The following HECW1 variants were observed in gnomAD, a reference collection of about 807,000 sequenced individuals.
HECW1 encodes HECT, C2 and WW domain containing E3 ubiquitin protein ligase 1.
HECW1 carries 61 observed loss-of-function variants against 182.3 expected under a neutral mutation model. The observed-to-expected ratio is 0.33, with a 90% CI of 0.27 to 0.41. The LOEUF (loss-of-function observed/expected upper bound fraction) is 0.41. Among genes scored for constraint, HECW1 ranks in the 10% least tolerant of loss-of-function variants. The pLI is 1.00. For synonymous variants in HECW1, 859 were observed against 832.6 expected, an observed-to-expected ratio of 1.03 and a Z score of -0.55; for missense variants, 1,739 against 2,108.9, an observed-to-expected ratio of 0.82 and a Z score of 3.44.
chr7:43,362,149 A>G (rs1361539545), intron 6 of HECW1, among the ~76,000 whole-genome samples: 4 of 151,744 alleles, frequency 2.6e-5, no homozygotes, highest in Admixed American at 2.6e-4. Context: ...AAAAAAAAAA[A>G]AAAGAGAGAG....
chr7:43,480,516 T>C (rs1210919709), intron 17 of HECW1, among the ~76,000 whole-genome samples: 1 of 151,966 alleles, frequency 6.6e-6, no homozygotes, highest in Non-Finnish European at 1.5e-5. Flanking sequence ...CTACTTCCCA[T>C]AAAACAGCTT....
intron 5 of HECW1, among the ~76,000 whole-genome samples, chr7:43,339,705 C>G (rs1379317110): frequency 2.0e-5 from 3 of 152,122 alleles, no homozygotes; most frequent in Admixed American, 2.0e-4. Context: ...ATGTCCTCAG[C>G]TAGGCAGTTG....
At chr7:43,165,119 G>T (rs1790965793) in intron 2 of HECW1, among the ~76,000 whole-genome samples, 1 of 152,100 alleles carries the variant, frequency 6.6e-6, no homozygotes, top group Admixed American at 6.5e-5. Flanking sequence ...ATCCCTAAAT[G>T]ATGAAAATAA....
rs370448181 is a variant in HECW1 at position 43,445,190 on chromosome 7, G to A, written c.2018G>A (p.Cys673Tyr). 5.6e-6 allele frequency: 9 copies of A among 1,612,494 alleles called. No individual in the cohort carries two copies. The African/African-American group carries it at 1.2e-4, about 22-fold the overall frequency. Residue 673 changes from cysteine (C) to tyrosine (Y), a missense_variant, in exon 11 of 30, where the codon TGT (cysteine) becomes TAT (tyrosine). By Grantham distance (194) the Cys-to-Tyr change is radical. Coordinates refer to ENST00000395891, the MANE Select transcript of HECW1 (RefSeq NM_015052.5). ...GGCGGGGACCACAGTTGCGAGGGCT[G>A]TGACGCGTCCTGCTGCAGCCCCTCG... ...RQGGDHSCEGCDASCCSPSCY... is the reference protein window; with the variant it reads ...RQGGDHSCEGYDASCCSPSCY...
At chr7:43,263,406 G>A (rs1222363790) in intron 3 of HECW1, among the ~76,000 whole-genome samples, 2 of 152,194 alleles carry the variant, frequency 1.3e-5, no homozygotes, top group African/African-American at 2.4e-5. Flanking sequence ...TGTCACTCAG[G>A]CTGGAGTGCA....
chr7:43,170,885 A>G (rs1196243469), intron 2 of HECW1, among the ~76,000 whole-genome samples: 2 of 152,194 alleles, frequency 1.3e-5, no homozygotes, highest in Admixed American at 6.5e-5. Context: ...GTGCAGGGTG[A>G]GTGTCCTTGC....
Position 43,565,685 on chromosome 7 carries a change from A to C in HECW1, c.*3759A>C, listed in dbSNP as rs1313226216. The C allele has an allele frequency of 5.5e-6, 1 of 181,968 alleles. No individual in the cohort carries two copies. The highest frequency in any genetic ancestry group is 2.4e-5 in the African/African-American group (1 of 42,414). 11.3% of individuals were successfully genotyped at this position (181,968 alleles called of 1,614,324 possible). ...GATGTTCCAGCCATCATAAGGTCCA[A>C]AAGAAAAGAGAAAGTGTTATTTTCC... On this transcript the variant is annotated 3_prime_UTR_variant, in exon 30 of 30. Coordinates refer to ENST00000395891, the MANE Select transcript of HECW1 (RefSeq NM_015052.5).
chr7:43,471,136 C>A (rs1378214895), intron 16 of HECW1, among the ~76,000 whole-genome samples: 3 of 152,150 alleles, frequency 2.0e-5, no homozygotes, highest in Non-Finnish European at 4.4e-5. Flanking sequence ...TTAATGTCCC[C>A]AAAAATAATC....
chr7:43,289,804 G>A (rs1805157177), intron 3 of HECW1, among the ~76,000 whole-genome samples: 1 of 152,204 alleles, frequency 6.6e-6, no homozygotes, highest in African/African-American at 2.4e-5. Flanking sequence ...TTACAGGAAA[G>A]GACATAAATC....
intron 8 of HECW1, among the ~76,000 whole-genome samples, chr7:43,421,870 C>T (rs571769479): frequency 6.6e-6 from 1 of 152,278 alleles, no homozygotes; most frequent in African/African-American, 2.4e-5. Flanking sequence ...GGAGACATTA[C>T]AGAAGCCAGG....
chr7:43,141,132 G>A (rs1035506051), intron 2 of HECW1, among the ~76,000 whole-genome samples: 1 of 152,198 alleles, frequency 6.6e-6, no homozygotes, highest in Non-Finnish European at 1.5e-5. Context: ...CTGACCAATG[G>A]TCTGGTCTGC....
At chr7:43,543,859 T>C (rs967096830) in intron 26 of HECW1, among the ~76,000 whole-genome samples, 3 of 150,058 alleles carry the variant, frequency 2.0e-5, no homozygotes, top group Non-Finnish European at 4.4e-5. Flanking sequence ...ACAGGCAAAA[T>C]ACACTGTTCT....
intron 10 of HECW1, 87 bp downstream of exon 10, chr7:43,442,716 C>G: frequency 1.1e-6 from 1 of 883,362 alleles, no homozygotes; most frequent in Non-Finnish European, 1.8e-6. Context: ...CTATGGTTCT[C>G]TCCAGATGTA....
At chr7:43,126,008 G>A (rs1311484836) in intron 2 of HECW1, among the ~76,000 whole-genome samples, 1 of 148,446 alleles carries the variant, frequency 6.7e-6, no homozygotes, top group East Asian at 2.0e-4. Flanking sequence ...TGGTCCAAAA[G>A]CTTTGGGGGA....
intron 2 of HECW1, among the ~76,000 whole-genome samples, chr7:43,179,424 C>G (rs1181089799): frequency 6.6e-6 from 1 of 152,166 alleles, no homozygotes; most frequent in Admixed American, 6.5e-5. Flanking sequence ...TCTTTGTGCT[C>G]AAGAGCTAGG....
At chr7:43,404,234 A>G (rs550741574) in intron 7 of HECW1, among the ~76,000 whole-genome samples, 13 of 152,362 alleles carry the variant, frequency 8.5e-5, no homozygotes, top group African/African-American at 2.9e-4. Context: ...GACTGAAATT[A>G]AATATGTAAG....
chr7:43,472,093 C>T (rs924051657), intron 16 of HECW1, among the ~76,000 whole-genome samples: 2 of 152,018 alleles, frequency 1.3e-5, no homozygotes, highest in African/African-American at 4.8e-5. Context: ...CAGGGAAAAG[C>T]AAAAGGTAAT....
rs1400698193 is a variant in HECW1 at position 43,432,200 on chromosome 7, C to T, written c.802-5803C>T. On this transcript the variant is annotated intron_variant, in intron 8 of 29. Coordinates refer to ENST00000395891, the MANE Select transcript of HECW1 (RefSeq NM_015052.5). This position sits in a 1 kb window ranked among gnomAD's most constrained non-coding sequence, Gnocchi z 4.1. ...TGTCGCCCGGGCTGGAGTGCAGTGG[C>T]GGGATCTCGGCTCACTGCAAGCTCC... Among the ~76,000 whole-genome samples, 11 of 147,780 alleles carry T rather than the reference C, an allele frequency of 7.4e-5. No individual in the cohort carries two copies. The East Asian group carries it at 1.2e-3, about 16-fold the overall frequency.
At chr7:43,529,635 T>C (rs2080901399) in intron 24 of HECW1, among the ~76,000 whole-genome samples, 2 of 152,000 alleles carry the variant, frequency 1.3e-5, no homozygotes, top group Non-Finnish European at 2.9e-5. Flanking sequence ...ACCACTTCAA[T>C]TTCTCACCCC....
Sources: gnomAD v4.1 joint callset for allele counts (sites outside exome capture counted in the v4.1 genomes callset) on GRCh38, gnomAD v4.1.1 for gene constraint, Gnocchi (gnomAD v3.1) non-coding constraint, MANE v1.5 for transcripts, NCBI Gene and HGNC (gene_info 2026-07-23, HGNC 2026-07-21) for gene names.